The following PPP2CA variants were observed in gnomAD, a reference collection of about 807,000 sequenced individuals.
PPP2CA encodes the protein serine/threonine-protein phosphatase 2A catalytic subunit alpha isoform.
PPP2CA carries 5 observed loss-of-function variants against 38.8 expected under a neutral mutation model. The observed-to-expected ratio is 0.13, with a 90% CI of 0.07 to 0.27. The LOEUF (loss-of-function observed/expected upper bound fraction) is 0.27, where lower values mean the gene tolerates loss of function less well. Ranked by LOEUF, PPP2CA falls within the 10% of genes least tolerant of loss-of-function variation. The pLI is 1.00. For missense variants in PPP2CA, 88 were observed against 389.7 expected (o/e 0.23, Z 6.52); for synonymous variants, 152 against 134.0 (o/e 1.13, Z -0.93).
In PPP2CA at chr5:134,197,173, C is replaced by G. The variant is rs14549; in HGVS notation, c.*599G>C. 31 of 152,722 alleles carry G rather than the reference C, an allele frequency of 2.0e-4. No individual in the cohort carries two copies. The highest frequency in any genetic ancestry group is 2.0e-3 in the Admixed American group (30 of 15,282). The allele number at this position is 152,722 out of a possible 1,614,324, so 9.5% of individuals were successfully genotyped here. On this transcript the variant is annotated 3_prime_UTR_variant, in exon 7 of 7. Transcript: ENST00000481195. ...ATCGTCTTACAGGAAGGGGAAAAAA[C>G]AGTTCTGTTCAAAACAACTCACCAG...
At chr5:134,208,720 C>G (rs774795763) in intron 1 of PPP2CA, among the ~76,000 whole-genome samples, 5 of 152,080 alleles carry the variant, frequency 3.3e-5, no homozygotes, top group African/African-American at 1.2e-4. Flanking sequence ...ATCATTAAGT[C>G]GAAAAATTGG....
At chr5:134,214,938 T>C (rs1012707630) in intron 1 of PPP2CA, among the ~76,000 whole-genome samples, 38 of 152,258 alleles carry the variant, frequency 2.5e-4, no homozygotes, top group African/African-American at 8.7e-4. Context: ...CTACTCAAGC[T>C]TCTTTTTATA....
intron 1 of PPP2CA, among the ~76,000 whole-genome samples, chr5:134,214,293 C>A (rs1182984943): frequency 6.6e-6 from 1 of 152,174 alleles, no homozygotes; most frequent in Non-Finnish European, 1.5e-5. Context: ...ACTGGCATCT[C>A]ATTTTGTGTC....
chr5:134,204,794 C>T (rs894162906), intron 2 of PPP2CA, among the ~76,000 whole-genome samples: 1 of 152,104 alleles, frequency 6.6e-6, no homozygotes, highest in African/African-American at 2.4e-5. Flanking sequence ...TGGTTAATGG[C>T]TGGAAACTAT....
Position 134,200,387 on chromosome 5 carries a change from T to C in PPP2CA, c.686A>G (p.Asn229Ser). 1.2e-6 allele frequency: 2 copies of C among 1,614,168 alleles called. No individual in the cohort carries two copies. Among genetic ancestry groups the C allele is most frequent in the Non-Finnish European group, 8.5e-7 (1 of 1,180,022 alleles). Residue 229 changes from asparagine (N) to serine (S), a missense_variant, in exon 5 of 7, where the codon AAT becomes AGT. By Grantham distance (46) the Asn-to-Ser change is conservative (BLOSUM62 1). Coordinates refer to ENST00000481195, the MANE Select transcript of PPP2CA (RefSeq NM_002715.4). ...TFGQDISETFNHANGLTLVSR... is the reference protein window; with the variant it reads ...TFGQDISETFSHANGLTLVSR... Reference sequence around the variant, plus strand: ...CACCAACGTGAGGCCATTGGCATGATTAAATGTCTCAGAAATATCTTGCCC... The same window carrying C: ...CACCAACGTGAGGCCATTGGCATGACTAAATGTCTCAGAAATATCTTGCCC...
At position 134,196,684 on chromosome 5, in the gene PPP2CA, T is replaced by C. The variant is rs1173393066; in HGVS notation, c.*1088A>G. 6.6e-6 allele frequency: 1 copy of C among 152,224 alleles called. No homozygotes were observed. The highest frequency in any genetic ancestry group is 1.5e-5 in the Non-Finnish European group (1 of 68,038). 9.4% of individuals were successfully genotyped at this position (152,224 alleles called of 1,614,324 possible). On this transcript the variant is annotated 3_prime_UTR_variant, in exon 7 of 7. Transcript: ENST00000481195. ...ATAATATACACATAGCAATATAATATTCATAACCAGAAACTGCACTAAGTA... is the reference window on the plus strand; with the variant it reads ...ATAATATACACATAGCAATATAATACTCATAACCAGAAACTGCACTAAGTA...
chr5:134,218,316 A>C (rs1762364079), intron 1 of PPP2CA, among the ~76,000 whole-genome samples: 1 of 152,218 alleles, frequency 6.6e-6, no homozygotes, highest in South Asian at 2.1e-4. Flanking sequence ...GGATAATTCT[A>C]AAAGTGTAAT....
chr5:134,220,827 T>C (rs1033541259), intron 1 of PPP2CA, among the ~76,000 whole-genome samples: 1 of 152,198 alleles, frequency 6.6e-6, no homozygotes, highest in Admixed American at 6.5e-5. Context: ...GTAATACAAA[T>C]GTTATCCCAC....
chr5:134,220,766 C>T (rs1192495368), intron 1 of PPP2CA, among the ~76,000 whole-genome samples: 1 of 152,166 alleles, frequency 6.6e-6, no homozygotes, highest in African/African-American at 2.4e-5. Context: ...CCTGACTTAC[C>T]ATGAGATAGG....
At chr5:134,215,039 G>A (rs76988601) in intron 1 of PPP2CA, among the ~76,000 whole-genome samples, 16 of 147,106 alleles carry the variant, frequency 1.1e-4, no homozygotes, top group Non-Finnish European at 1.5e-4. Context: ...CTGCATCCAA[G>A]AAAAAAAAAA....
At chr5:134,200,843 G>T in intron 4 of PPP2CA, 142 bp downstream of exon 4, 1 of 712,540 alleles carries the variant, frequency 1.4e-6, no homozygotes, top group Non-Finnish European at 2.3e-6. Flanking sequence ...AGCTTCTTTT[G>T]AACAACAGGG....
intron 1 of PPP2CA, among the ~76,000 whole-genome samples, chr5:134,211,604 G>A (rs1762204153): frequency 6.7e-6 from 1 of 150,020 alleles, no homozygotes; most frequent in Admixed American, 6.7e-5. Context: ...AGCCTCTTGA[G>A]TAGCTGGGAT....
chr5:134,215,171 C>A (rs1762290434), intron 1 of PPP2CA, among the ~76,000 whole-genome samples: 1 of 150,598 alleles, frequency 6.6e-6, no homozygotes, highest in South Asian at 2.1e-4. Context: ...GATCACAGCT[C>A]ATTGCAGTCT....
At chr5:134,197,918 G>A (rs1761888834) in intron 6 of PPP2CA, 74 bp from the exon 7 acceptor site, 1 of 1,292,318 alleles carries the variant, frequency 7.7e-7, no homozygotes. Flanking sequence ...AAGAACATGA[G>A]TCTTCCAAAC....
At chr5:134,225,666 G>A (rs1352610676) in intron 1 of PPP2CA, 94 bp downstream of exon 1, 6 of 1,155,086 alleles carry the variant, frequency 5.2e-6, no homozygotes, top group Middle Eastern at 2.2e-4. Flanking sequence ...GGCCCGGACC[G>A]GCGGCCTCCG....
intron 1 of PPP2CA, among the ~76,000 whole-genome samples, chr5:134,222,644 A>T (rs1246690390): frequency 1.3e-5 from 2 of 152,194 alleles, no homozygotes; most frequent in African/African-American, 4.8e-5. Context: ...TCACATAATA[A>T]AAGATTGTTT....
At chr5:134,206,157 C>A (rs1311089365) in intron 1 of PPP2CA, 26 bp from the exon 2 acceptor site, 1 of 1,570,326 alleles carries the variant, frequency 6.4e-7, no homozygotes, top group Admixed American at 1.7e-5. Context: ...AAAAATAAGG[C>A]AATACATTTG....
rs1200358412 is a variant in PPP2CA, at chr5:134,194,430, C to T, written c.*3342G>A. ...TATTACCAAACTATAGGTTACTAAA[C>T]TATAGGCCCATTTCTAAGAACACAT... On this transcript the variant is annotated 3_prime_UTR_variant, in exon 7 of 7. Transcript: ENST00000481195. 6.6e-6 allele frequency: 1 copy of T among 152,174 alleles called. No homozygotes were observed. Among genetic ancestry groups the T allele is most frequent in the Non-Finnish European group, 1.5e-5 (1 of 68,042 alleles). The allele number at this position is 152,174 out of a possible 1,614,324, so 9.4% of individuals were successfully genotyped here.
At chr5:134,214,137 C>CA (rs1261672108) in intron 1 of PPP2CA, among the ~76,000 whole-genome samples, 4 of 151,330 alleles carry the variant, frequency 2.6e-5, no homozygotes, top group Admixed American at 6.6e-5. Context: ...TCAAAACTAA[C>CA]AAAAAAAGGC....
Sources: gnomAD v4.1 joint callset for allele counts (sites outside exome capture counted in the v4.1 genomes callset) on GRCh38, gnomAD v4.1.1 for gene constraint, MANE v1.5 for transcripts, NCBI Gene and HGNC (gene_info 2026-07-23, HGNC 2026-07-21) for gene names.